The following LAMA3 variants were observed in gnomAD, a reference collection of about 807,000 sequenced individuals.
LAMA3 encodes the protein laminin subunit alpha 3.
LAMA3 carries 281 observed loss-of-function variants against 402.0 expected under a neutral mutation model. The observed-to-expected ratio is 0.70, with a 90% CI of 0.63 to 0.77. The LOEUF is 0.77. Ranked by LOEUF, LAMA3 falls within the 30% of genes least tolerant of loss-of-function variation. The pLI, the probability that LAMA3 is intolerant of heterozygous loss-of-function variation, is 0.00. For missense variants in LAMA3, 3,840 were observed against 4,215.5 expected (o/e 0.91, Z 2.47); for synonymous variants, 1,431 against 1,558.4 (o/e 0.92, Z 1.93).
intron 9 of LAMA3, among the ~76,000 whole-genome samples, chr18:23,774,038 T>C (rs2062261011): frequency 6.6e-6 from 1 of 152,130 alleles, no homozygotes; most frequent in South Asian, 2.1e-4. Flanking sequence ...CTGGTCAACA[T>C]GGTGAAAAAC....
At chr18:23,734,642 C>T (rs1194337240) in intron 2 of LAMA3, among the ~76,000 whole-genome samples, 1 of 152,166 alleles carries the variant, frequency 6.6e-6, no homozygotes, top group African/African-American at 2.4e-5. Flanking sequence ...GCAAAGATTT[C>T]CTTTTAGAAC....
intron 8 of LAMA3, among the ~76,000 whole-genome samples, chr18:23,768,368 G>A (rs529508564): frequency 6.6e-6 from 1 of 152,248 alleles, no homozygotes; most frequent in East Asian, 1.9e-4. Context: ...CATACAAGTG[G>A]CCAACAAACG....
chr18:23,864,789 CT>C lies in LAMA3; in HGVS notation c.4591del (p.Ser1531HisfsTer76), dbSNP rs1481514250. 1.2e-6 allele frequency: 2 copies of C among 1,604,608 alleles called. No individual in the cohort carries two copies. Among genetic ancestry groups the C allele is most frequent in the East Asian group, 4.5e-5 (2 of 44,798 alleles). On this transcript the variant is annotated frameshift_variant, in exon 36 of 75. Transcript: ENST00000313654. LOFTEE classifies it high-confidence loss of function. Reference sequence around the variant, plus strand: ...ATGCTATTAATTCCATTTTAGGTTTCTTCATATGGTGGTTACCTCACTTACC... The same window carrying C: ...ATGCTATTAATTCCATTTTAGGTTTCTCATATGGTGGTTACCTCACTTACC... The part of the protein sequence containing the change: ...APTSYLGDKV[S>X]SYGGYLTYQA...
At chr18:23,871,325 C>A in intron 37 of LAMA3, 106 bp from the exon 38 acceptor site, 1 of 843,544 alleles carries the variant, frequency 1.2e-6, no homozygotes, top group Non-Finnish European at 2.0e-6. Flanking sequence ...TCTCCCTATG[C>A]ATTTTAAGTG....
At chr18:23,763,182 G>T (rs751437808) in intron 7 of LAMA3, among the ~76,000 whole-genome samples, 3 of 152,008 alleles carry the variant, frequency 2.0e-5, no homozygotes, top group Non-Finnish European at 2.9e-5. Context: ...TTTAAAAAAA[G>T]AGAAACTTCG....
At chr18:23,902,485 T>G (rs2081105538) in intron 48 of LAMA3, among the ~76,000 whole-genome samples, 1 of 152,242 alleles carries the variant, frequency 6.6e-6, no homozygotes, top group African/African-American at 2.4e-5. Context: ...GACTCCATGC[T>G]TAGCTCCCAA....
At chr18:23,803,664 T>A (rs2062907666) in intron 12 of LAMA3, among the ~76,000 whole-genome samples, 1 of 152,184 alleles carries the variant, frequency 6.6e-6, no homozygotes, top group Admixed American at 6.5e-5. Context: ...CATTTCTCCT[T>A]CCAAGCAAAG....
chr18:23,804,076 C>T (rs1211618407), intron 12 of LAMA3, among the ~76,000 whole-genome samples: 1 of 152,202 alleles, frequency 6.6e-6, no homozygotes, highest in Non-Finnish European at 1.5e-5. Flanking sequence ...ATAGTGACTT[C>T]ATGGCCCATG....
At position 23,915,212 on chromosome 18, in the gene LAMA3, T is replaced by A. The variant is rs1357645548; in HGVS notation, c.7645-77T>A. 8 of 1,499,414 alleles carry A rather than the reference T, an allele frequency of 5.3e-6. No homozygotes were observed. The East Asian group carries it at 1.6e-4, about 30-fold the overall frequency. 92.9% of individuals were successfully genotyped at this position (1,499,414 alleles called of 1,614,324 possible). A position where few individuals can be genotyped will look rare whatever the true frequency, so the allele number is the denominator to read the frequency against. The stretch of plus-strand genomic sequence containing the variant: ...ATTAACCCTTATGCCATAGTGACTG[T>A]TAAAAGTGATTAATTGATACTATTT... On this transcript the variant is annotated intron_variant, in intron 58 of 74. Coordinates refer to ENST00000313654, the MANE Select transcript of LAMA3 (RefSeq NM_198129.4).
Position 23,899,407 on chromosome 18 carries a change from G to C in LAMA3, c.5956G>C (p.Gly1986Arg). 1 of 1,614,126 alleles carries C rather than the reference G, an allele frequency of 6.2e-7. No homozygotes were observed. The highest frequency in any genetic ancestry group is 8.5e-7 in the Non-Finnish European group (1 of 1,180,008). The change falls in exon 47 of 75, where the codon GGA (glycine) becomes CGA (arginine). Residue 1986 changes from glycine (G) to arginine (R), a missense_variant. Transcript: ENST00000313654. ...MMRELRNRNFGKHLREAEADK... is the reference protein window; with the variant it reads ...MMRELRNRNFRKHLREAEADK... ...GAGGGAACTGCGGAACAGGAACTTT[G>C]GAAAGCACCTCAGAGAAGCAGAAGC...
chr18:23,861,937 A>G, intron 35 of LAMA3, 130 bp downstream of exon 35: 1 of 1,056,758 alleles, frequency 9.5e-7, no homozygotes, highest in Non-Finnish European at 1.4e-6. Flanking sequence ...AATGAGCTGA[A>G]CTAAAAGTGA....
rs558180544 is a variant in LAMA3 at position 23,706,515 on chromosome 18, G to A, written c.295-7405G>A. ...AATACGTATAAAATAATATTGCATT[G>A]TGGTCTGCCTTGATCACTAATGATG... On this transcript the variant is annotated intron_variant, in intron 1 of 74. Coordinates refer to ENST00000313654, the MANE Select transcript of LAMA3 (RefSeq NM_198129.4). Among the ~76,000 whole-genome samples, 246 of 152,220 alleles carry A rather than the reference G, an allele frequency of 1.6e-3. 1 individual carries two copies. The highest frequency in any genetic ancestry group is 2.9e-3 in the Non-Finnish European group (196 of 68,012).
chr18:23,901,411 G>A (rs971672671), intron 48 of LAMA3, 88 bp downstream of exon 48: 4 of 1,114,554 alleles, frequency 3.6e-6, no homozygotes, highest in African/African-American at 1.5e-5. Flanking sequence ...GCATAGCCAG[G>A]CACCTGTCTG....
intron 50 of LAMA3, 44 bp downstream of exon 50, chr18:23,904,131 C>T: frequency 1.2e-6 from 2 of 1,608,700 alleles, no homozygotes; most frequent in Non-Finnish European, 1.7e-6. Context: ...GTGGGCTGAG[C>T]TCAGCAGCTT....
chr18:23,693,530 C>CAAA (rs34337453), intron 1 of LAMA3, among the ~76,000 whole-genome samples: 19 of 113,238 alleles, frequency 1.7e-4, no homozygotes, highest in African/African-American at 5.5e-4. Context: ...GACTCTGTAT[C>CAAA]AAAAAAAAAA....
chr18:23,781,303 G>A (rs1406815509), intron 11 of LAMA3: 1 of 456,114 alleles, frequency 2.2e-6, no homozygotes, highest in South Asian at 1.5e-5. Flanking sequence ...ACAGGGTGGT[G>A]CTCATGCCAT....
At chr18:23,908,037 T>G in intron 54 of LAMA3, 102 bp downstream of exon 54, 4 of 1,166,132 alleles carry the variant, frequency 3.4e-6, no homozygotes, top group Non-Finnish European at 3.9e-6. Context: ...TCTCAGAAAC[T>G]AAAACATTAG....
intron 5 of LAMA3, among the ~76,000 whole-genome samples, chr18:23,751,615 T>G (rs529455151): frequency 1.3e-5 from 2 of 152,274 alleles, no homozygotes; most frequent in South Asian, 4.1e-4. Flanking sequence ...AGAGGTTACT[T>G]CTATGGGCAA....
In LAMA3 at chr18:23,720,251, C is replaced by A. The variant is rs1303849363; in HGVS notation, c.447+6179C>A. ...TTCGTTCCATTTATGACACTTGAGTCTCTCTGCAACATTTTAAGAGTATTT... is the reference window on the plus strand; with the variant it reads ...TTCGTTCCATTTATGACACTTGAGTATCTCTGCAACATTTTAAGAGTATTT... On this transcript the variant is annotated intron_variant, in intron 2 of 74. Transcript: ENST00000313654. Among the ~76,000 whole-genome samples the A allele has an allele frequency of 3.9e-5, 6 of 152,276 alleles. No individual in the cohort carries two copies. The East Asian group carries it at 1.2e-3, about 29-fold the overall frequency.
Sources: allele counts gnomAD v4.1 joint callset (sites outside exome capture counted in the v4.1 genomes callset), GRCh38; gene constraint gnomAD v4.1.1; transcripts MANE v1.5; gene names NCBI Gene and HGNC (gene_info 2026-07-23, HGNC 2026-07-21).